The following SRSF4 variants were observed in gnomAD, a reference collection of about 807,000 sequenced individuals.
SRSF4 encodes the protein serine/arginine-rich splicing factor 4.
A neutral mutation model predicts 48.8 loss-of-function variants in SRSF4; 12 were observed. That is an observed-to-expected ratio of 0.25 (90% CI 0.16 to 0.40). SRSF4 has a LOEUF of 0.40. Ranked by LOEUF, SRSF4 falls within the 10% of genes least tolerant of loss-of-function variation. SRSF4 has a pLI of 1.00. For synonymous variants in SRSF4, 248 were observed against 232.5 expected (o/e 1.07, Z -0.61); for missense variants, 466 against 667.1 (o/e 0.70, Z 3.32).
chr1:29,181,821 C>T lies in SRSF4; in HGVS notation c.-69G>A. 1 of 1,342,702 alleles carries T rather than the reference C, an allele frequency of 7.4e-7. No individual in the cohort carries two copies. Among genetic ancestry groups the T allele is most frequent in the Non-Finnish European group, 9.7e-7 (1 of 1,028,064 alleles). The allele number at this position is 1,342,702 out of a possible 1,614,324, so 83.2% of individuals were successfully genotyped here. On this transcript the variant is annotated 5_prime_UTR_variant, in exon 1 of 6. Transcript: ENST00000373795. ...TAGGCGGCGGCGGGCAAAGCGAGAG[C>T]ACGGCGGCAGCGGCGGCGGCGGCAA...
chr1:29,163,710 T>C (rs1340986427), intron 1 of SRSF4, among the ~76,000 whole-genome samples: 1 of 152,228 alleles, frequency 6.6e-6, no homozygotes. Context: ...GTACTATTAT[T>C]TCTGTTTTAC....
At chr1:29,160,149 T>C (rs1672570043) in intron 2 of SRSF4, 1 of 477,548 alleles carries the variant, frequency 2.1e-6, no homozygotes, top group Admixed American at 4.1e-5. Context: ...ACACACATCA[T>C]TAAACATATT....
At chr1:29,167,796 G>C (rs1456964991) in intron 1 of SRSF4, among the ~76,000 whole-genome samples, 3 of 152,204 alleles carry the variant, frequency 2.0e-5, no homozygotes, top group Admixed American at 1.3e-4. Flanking sequence ...ATTTAGCACA[G>C]TGCCTGGCAC....
At chr1:29,169,783 A>G (rs1283487676) in intron 1 of SRSF4, 1 of 152,222 alleles carries the variant, frequency 6.6e-6, no homozygotes, top group African/African-American at 2.4e-5. Flanking sequence ...CAGAATATAT[A>G]TTCACATAGT....
chr1:29,156,825 G>T (rs929085519), intron 3 of SRSF4, among the ~76,000 whole-genome samples: 1 of 152,202 alleles, frequency 6.6e-6, no homozygotes, highest in East Asian at 1.9e-4. Flanking sequence ...CATAAAGAGT[G>T]GGGGCCAGGG....
At chr1:29,160,796 C>A (rs1011782801) in intron 1 of SRSF4, among the ~76,000 whole-genome samples, 3 of 152,148 alleles carry the variant, frequency 2.0e-5, no homozygotes, top group Admixed American at 2.0e-4. Context: ...TTGGTGGCAA[C>A]TGCAAAGACA....
At chr1:29,180,096 C>T (rs1227048654) in intron 1 of SRSF4, among the ~76,000 whole-genome samples, 2 of 152,236 alleles carry the variant, frequency 1.3e-5, no homozygotes, top group Non-Finnish European at 2.9e-5. Context: ...CTCTAATCTT[C>T]CTTTTCCACA....
chr1:29,153,792 C>T (rs401485), intron 4 of SRSF4, among the ~76,000 whole-genome samples: 4,511 of 151,390 alleles, frequency 0.03, 86 homozygotes, highest in Non-Finnish European at 0.045. Context: ...TCAGTAGAGA[C>T]GGGGTTTCTC....
chr1:29,169,015 TTAAC>T (rs1196450400), intron 1 of SRSF4: 1 of 152,254 alleles, frequency 6.6e-6, no homozygotes, highest in Non-Finnish European at 1.5e-5. Flanking sequence ...TTAATTTTCA[TTAAC>T]TAAAAACTAT....
intron 3 of SRSF4, among the ~76,000 whole-genome samples, chr1:29,159,107 A>ACC (rs1437790505): frequency 3.0e-5 from 4 of 135,248 alleles, no homozygotes; most frequent in South Asian, 2.5e-4. Context: ...CTCCATCTCA[A>ACC]ACAAACCAAA....
intron 1 of SRSF4, among the ~76,000 whole-genome samples, chr1:29,165,067 G>A (rs1238177564): frequency 2.0e-5 from 3 of 152,078 alleles, no homozygotes; most frequent in Admixed American, 6.6e-5. Context: ...TCCAAAATTC[G>A]TCTGATCCCA....
intron 1 of SRSF4, among the ~76,000 whole-genome samples, chr1:29,175,627 G>A (rs532556693): frequency 2.9e-5 from 4 of 135,756 alleles, no homozygotes; most frequent in East Asian, 2.2e-4. Flanking sequence ...CCCAGGAGGC[G>A]GAGCTTGCAG....
At chr1:29,173,661 C>A (rs1265727101) in intron 1 of SRSF4, among the ~76,000 whole-genome samples, 1 of 142,926 alleles carries the variant, frequency 7.0e-6, no homozygotes, top group Non-Finnish European at 1.5e-5. Flanking sequence ...GCTGGCCAGG[C>A]TGGTCTCAAA....
At chr1:29,160,613 G>A in intron 1 of SRSF4, 96 bp from the exon 2 acceptor site, 1 of 1,407,180 alleles carries the variant, frequency 7.1e-7, no homozygotes, top group South Asian at 1.5e-5. Flanking sequence ...CTTAGCAAAG[G>A]TTAGGTGGAT....
rs1672770206 is a variant in SRSF4 at position 29,173,069 on chromosome 1, T to A, written c.107+8577A>T. 3 of 152,134 alleles carry A rather than the reference T, an allele frequency of 2.0e-5. No individual in the cohort carries two copies. In the South Asian group the frequency reaches 6.2e-4, roughly 32 times the overall value. 9.4% of individuals were successfully genotyped at this position (152,134 alleles called of 1,614,324 possible). ...CTTAATGATACTTTTCACTTTATGC[T>A]TTCATAATATCTAAATGATCTACAA... On this transcript the variant is annotated intron_variant, in intron 1 of 5. Coordinates refer to ENST00000373795, the MANE Select transcript of SRSF4 (RefSeq NM_005626.5).
intron 1 of SRSF4, among the ~76,000 whole-genome samples, chr1:29,162,738 G>A (rs1672617900): frequency 6.6e-6 from 1 of 152,186 alleles, no homozygotes; most frequent in Non-Finnish European, 1.5e-5. Flanking sequence ...GATCTAACGT[G>A]ATCTTAGAAG....
chr1:29,160,166 G>A, intron 2 of SRSF4: 2 of 539,326 alleles, frequency 3.7e-6, no homozygotes, highest in Non-Finnish European at 6.2e-6. Flanking sequence ...TATTTATAAA[G>A]TATTATAAAC....
At chr1:29,168,249 T>C (rs1328062015) in intron 1 of SRSF4, among the ~76,000 whole-genome samples, 1 of 149,332 alleles carries the variant, frequency 6.7e-6, no homozygotes, top group East Asian at 2.0e-4. Flanking sequence ...CAGGGTGGTC[T>C]CGAACTCCTG....
chr1:29,150,062 T>C, intron 5 of SRSF4, 41 bp downstream of exon 5: 1 of 1,522,642 alleles, frequency 6.6e-7, no homozygotes, highest in Non-Finnish European at 9.1e-7. Flanking sequence ...GGTACAGGCA[T>C]TCCCTGCTGA....
Sources: gnomAD v4.1 joint callset for allele counts (sites outside exome capture counted in the v4.1 genomes callset) on GRCh38, gnomAD v4.1.1 for gene constraint, MANE v1.5 for transcripts, NCBI Gene and HGNC (gene_info 2026-07-23, HGNC 2026-07-21) for gene names.